The following PEBP4 variants were observed in gnomAD, a reference collection of about 807,000 sequenced individuals.
PEBP4 encodes the protein phosphatidylethanolamine-binding protein 4.
PEBP4 carries 22 observed loss-of-function variants against 23.9 expected under a neutral mutation model. That is an observed-to-expected ratio of 0.92 (90% CI 0.66 to 1.31). The LOEUF is 1.31. PEBP4 is among the 40% of genes most tolerant of loss of function. The pLI, the probability that PEBP4 is intolerant of heterozygous loss-of-function variation, is 0.00. For synonymous variants in PEBP4, 112 were observed against 99.3 expected (o/e 1.13, Z -0.76); for missense variants, 324 against 281.7 (o/e 1.15, Z -1.07).
At chr8:22,899,643 A>G (rs1250493126) in intron 3 of PEBP4, among the ~76,000 whole-genome samples, 3 of 152,214 alleles carry the variant, frequency 2.0e-5, no homozygotes, top group Non-Finnish European at 4.4e-5. Flanking sequence ...CAAAGTGGCT[A>G]TGACTCCTGG....
At chr8:22,826,253 G>A (rs1396393282) in intron 3 of PEBP4, among the ~76,000 whole-genome samples, 1 of 152,210 alleles carries the variant, frequency 6.6e-6, no homozygotes, top group Non-Finnish European at 1.5e-5. Flanking sequence ...TGAAATCCAA[G>A]TTCTTTCCAA....
chr8:22,905,450 G>A (rs150829447), intron 3 of PEBP4, among the ~76,000 whole-genome samples: 1 of 152,126 alleles, frequency 6.6e-6, no homozygotes, highest in African/African-American at 2.4e-5. Flanking sequence ...AAATGTTGTT[G>A]TAATTCACAT....
chr8:22,922,110 G>T (rs1809214703), intron 2 of PEBP4, among the ~76,000 whole-genome samples: 3 of 152,170 alleles, frequency 2.0e-5, no homozygotes, highest in South Asian at 4.1e-4. Context: ...TGAAGGACAG[G>T]GCACATGCCA....
At chr8:22,718,045 C>T (rs544505543) in intron 6 of PEBP4, among the ~76,000 whole-genome samples, 4 of 152,288 alleles carry the variant, frequency 2.6e-5, no homozygotes, top group Middle Eastern at 3.4e-3. Flanking sequence ...CGTTCCATCA[C>T]ATCCAATTAC....
chr8:22,866,971 A>C (rs145191707), intron 3 of PEBP4, among the ~76,000 whole-genome samples: 219 of 152,100 alleles, frequency 1.4e-3, no homozygotes, highest in African/African-American at 4.8e-3. Context: ...AGCTGTGCAA[A>C]GGATCGGCAG....
intron 3 of PEBP4, among the ~76,000 whole-genome samples, chr8:22,888,350 C>T (rs1808425779): frequency 1.3e-5 from 2 of 152,134 alleles, no homozygotes; most frequent in South Asian, 2.1e-4. Flanking sequence ...CATGGGGTTT[C>T]AGCATGTTTG....
intron 3 of PEBP4, among the ~76,000 whole-genome samples, chr8:22,825,863 G>A (rs894414030): frequency 4.6e-5 from 7 of 152,184 alleles, no homozygotes; most frequent in African/African-American, 1.7e-4. Flanking sequence ...GCCTTAAAAA[G>A]GAAATACTGT....
chr8:22,890,821 C>T (rs986175058), intron 3 of PEBP4, among the ~76,000 whole-genome samples: 2 of 152,176 alleles, frequency 1.3e-5, no homozygotes, highest in African/African-American at 4.8e-5. Flanking sequence ...TCCTCAACAT[C>T]TTCCCCCTTT....
intron 3 of PEBP4, among the ~76,000 whole-genome samples, chr8:22,851,308 T>C (rs1247918531): frequency 6.6e-6 from 1 of 152,132 alleles, no homozygotes; most frequent in African/African-American, 2.4e-5. Flanking sequence ...CACCAGTTAT[T>C]GGGGCACTGA....
At chr8:22,808,898 G>A (rs187142574) in intron 4 of PEBP4, among the ~76,000 whole-genome samples, 208 of 152,250 alleles carry the variant, frequency 1.4e-3, no homozygotes, top group Middle Eastern at 3.4e-3. Flanking sequence ...TGCTGAGAGC[G>A]GTGTGGGTCA....
chr8:22,917,445 G>GA, intron 3 of PEBP4, among the ~76,000 whole-genome samples: 1 of 152,148 alleles, frequency 6.6e-6, no homozygotes, highest in East Asian at 1.9e-4. Flanking sequence ...TCTAACCAGG[G>GA]AAAGCTTCCC....
intron 3 of PEBP4, among the ~76,000 whole-genome samples, chr8:22,849,888 G>A (rs1807515879): frequency 6.6e-6 from 1 of 152,226 alleles, no homozygotes; most frequent in Admixed American, 6.5e-5. Flanking sequence ...TGTGAGTGGG[G>A]TTGGGAGAGA....
At position 22,937,442 on chromosome 8, in the gene PEBP4, G is replaced by C. The variant is rs531594102; in HGVS notation, c.145-9722C>G. ...TTTTGCTAAAATAAATTAAAGAAGA[G>C]ATAAATGTAAAGACATTCAATGCTC... On this transcript the variant is annotated intron_variant, in intron 1 of 1. Coordinates refer to the PEBP4 transcript ENST00000522278. 7.9e-5 allele frequency among the ~76,000 whole-genome samples: 12 copies of C among 152,152 alleles called. No homozygotes were observed. The South Asian group carries it at 1.2e-3, about 16-fold the overall frequency.
At chr8:22,844,562 A>G (rs1807389064) in intron 3 of PEBP4, among the ~76,000 whole-genome samples, 1 of 152,174 alleles carries the variant, frequency 6.6e-6, no homozygotes, top group Non-Finnish European at 1.5e-5. Context: ...AAGTATCTCA[A>G]TAAGGGGTCC....
At chr8:22,774,302 A>C (rs924151961) in intron 4 of PEBP4, among the ~76,000 whole-genome samples, 2 of 151,836 alleles carry the variant, frequency 1.3e-5, no homozygotes, top group African/African-American at 4.8e-5. Flanking sequence ...CTCCCCATTC[A>C]CGCTAGGATG....
At chr8:22,887,531 C>T (rs1808407877) in intron 3 of PEBP4, 1 of 130,920 alleles carries the variant, frequency 7.6e-6, no homozygotes, top group Non-Finnish European at 1.6e-5. Flanking sequence ...TTCAGGAGGC[C>T]AAGGTGGGAG....
At chr8:22,896,877 C>G (rs1808599106) in intron 3 of PEBP4, among the ~76,000 whole-genome samples, 1 of 150,962 alleles carries the variant, frequency 6.6e-6, no homozygotes, top group Non-Finnish European at 1.5e-5. Context: ...CTCTCTTCAT[C>G]TCTAATATAT....
At chr8:22,769,622 G>A (rs971741535) in intron 4 of PEBP4, among the ~76,000 whole-genome samples, 2 of 151,876 alleles carry the variant, frequency 1.3e-5, no homozygotes, top group African/African-American at 2.4e-5. Context: ...CTCCCCACCC[G>A]AATGCCTCTT....
chr8:22,850,765 A>C (rs1266383319), intron 3 of PEBP4, among the ~76,000 whole-genome samples: 1 of 152,236 alleles, frequency 6.6e-6, no homozygotes, highest in Admixed American at 6.5e-5. Flanking sequence ...ATACGCAGGA[A>C]GACTGCTGCA....
Sources: gnomAD v4.1 joint callset for allele counts (sites outside exome capture counted in the v4.1 genomes callset) on GRCh38, gnomAD v4.1.1 for gene constraint, MANE v1.5 for transcripts, NCBI Gene and HGNC (gene_info 2026-07-23, HGNC 2026-07-21) for gene names.